The following KATNBL1 variants were observed in gnomAD, a reference collection of about 807,000 sequenced individuals.
The protein encoded by KATNBL1 is KATNB1-like protein 1.
In KATNBL1, 28 loss-of-function variants were observed where a neutral mutation model predicts 44.7. The observed-to-expected ratio is 0.63, with a 90% CI of 0.46 to 0.86. KATNBL1 has a LOEUF of 0.86. KATNBL1 is among the 40% of genes least tolerant of loss of function. The probability of loss-of-function intolerance (pLI) is 0.00; values close to 1 mark genes in which losing one functional copy is unlikely to be tolerated. For missense variants in KATNBL1, 272 were observed against 350.7 expected, an observed-to-expected ratio of 0.78 and a Z score of 1.79; for synonymous variants, 78 against 114.9, an observed-to-expected ratio of 0.68 and a Z score of 2.06.
chr15:34,206,827 C>T (rs992726638), intron 1 of KATNBL1, among the ~76,000 whole-genome samples: 1 of 151,906 alleles, frequency 6.6e-6, no homozygotes, highest in East Asian at 1.9e-4. Context: ...CAAATTACAC[C>T]CTTCCAATTT....
chr15:34,143,237 G>A (rs1282365789), intron 9 of KATNBL1, among the ~76,000 whole-genome samples: 1 of 151,902 alleles, frequency 6.6e-6, no homozygotes, highest in East Asian at 1.9e-4. Flanking sequence ...TACTTTGGGA[G>A]GGGGAGGTGG....
At chr15:34,174,434 G>C (rs1889260330) in intron 1 of KATNBL1, among the ~76,000 whole-genome samples, 1 of 152,056 alleles carries the variant, frequency 6.6e-6, no homozygotes, top group Non-Finnish European at 1.5e-5. Context: ...AGAACAGAGA[G>C]AACAGAAAAC....
chr15:34,179,751 G>A (rs1297510800), intron 1 of KATNBL1, among the ~76,000 whole-genome samples: 3 of 152,228 alleles, frequency 2.0e-5, no homozygotes, highest in South Asian at 4.1e-4. Flanking sequence ...AACATTAACA[G>A]AAATTATTTA....
chr15:34,180,198 CAAT>C (rs1041982265), intron 1 of KATNBL1, among the ~76,000 whole-genome samples: 12 of 152,224 alleles, frequency 7.9e-5, no homozygotes, highest in South Asian at 4.1e-4. Context: ...CAAATTTCTA[CAAT>C]GAGTGCTTTT....
intron 9 of KATNBL1, among the ~76,000 whole-genome samples, chr15:34,144,443 A>C (rs1199173736): frequency 6.6e-6 from 1 of 150,760 alleles, no homozygotes; most frequent in Non-Finnish European, 1.5e-5. Context: ...TATATTTTTA[A>C]AACCAAAGAA....
intron 9 of KATNBL1, 32 bp from the exon 10 acceptor site, chr15:34,142,403 A>G (rs1181818628): frequency 6.4e-7 from 1 of 1,563,968 alleles, no homozygotes; most frequent in South Asian, 1.2e-5. Context: ...ATTTCATTAG[A>G]CAGTACAGTA....
Position 34,148,755 on chromosome 15 carries a change from A to G in KATNBL1, c.439-5T>C. ...TGTTTCATGGTCCTGAGAAACCTGA[A>G]AGGCAATAATCTGATTTGTTAAAAA... On this transcript the variant is annotated splice_region_variant and splice_polypyrimidine_tract_variant and intron_variant, in intron 4 of 9. Transcript: ENST00000256544. 3 of 1,503,520 alleles carry G rather than the reference A, an allele frequency of 2.0e-6. No individual in the cohort carries two copies. Among genetic ancestry groups the G allele is most frequent in the Non-Finnish European group, 2.8e-6 (3 of 1,079,578 alleles). The allele number at this position is 1,503,520 out of a possible 1,614,324, so 93.1% of individuals were successfully genotyped here.
intron 1 of KATNBL1, among the ~76,000 whole-genome samples, chr15:34,193,606 A>G (rs1234691592): frequency 6.6e-6 from 1 of 151,958 alleles, no homozygotes; most frequent in African/African-American, 2.4e-5. Context: ...AATCCTAGCA[A>G]TTTGGGAGAC....
chr15:34,196,825 T>C (rs907748968), intron 1 of KATNBL1, among the ~76,000 whole-genome samples: 1 of 152,248 alleles, frequency 6.6e-6, no homozygotes, highest in African/African-American at 2.4e-5. Context: ...ACTTGATACA[T>C]TATCAGTACA....
Position 34,152,971 on chromosome 15 carries a change from T to C in KATNBL1, c.257A>G (p.Lys86Arg), listed in dbSNP as rs1357078783. 1.9e-6 allele frequency: 3 copies of C among 1,614,178 alleles called. No homozygotes were observed. Among genetic ancestry groups the C allele is most frequent in the Middle Eastern group, 1.7e-4 (1 of 6,030 alleles). The change falls in exon 4 of 10, where the codon AAA (lysine) becomes AGA (arginine). Residue 86 changes from lysine (K) to arginine (R), a missense_variant. Transcript: ENST00000256544. ...HHPFPNPCYR[K>R]KQSPGSGGCD... Reference sequence around the variant, plus strand: ...GCCCCCACTTCCAGGGGACTGTTTTTTTCTGTAACAAGGATTTGGAAAGGG... The same window carrying C: ...GCCCCCACTTCCAGGGGACTGTTTTCTTCTGTAACAAGGATTTGGAAAGGG...
intron 1 of KATNBL1, among the ~76,000 whole-genome samples, chr15:34,174,540 T>C (rs895949655): frequency 6.6e-6 from 1 of 152,290 alleles, no homozygotes; most frequent in Middle Eastern, 3.4e-3. Flanking sequence ...AGCCAGAGAT[T>C]GATGGAGTAA....
intron 1 of KATNBL1, among the ~76,000 whole-genome samples, chr15:34,184,230 C>G (rs1421082981): frequency 6.6e-6 from 1 of 151,150 alleles, no homozygotes; most frequent in Non-Finnish European, 1.5e-5. Context: ...GGCGTGAACC[C>G]GAGAGGCTGA....
intron 4 of KATNBL1, among the ~76,000 whole-genome samples, chr15:34,149,687 G>C (rs1048102065): frequency 5.3e-5 from 8 of 152,194 alleles, no homozygotes; most frequent in African/African-American, 1.9e-4. Context: ...GGCCTCCCAA[G>C]TGCTGGGATT....
Position 34,147,440 on chromosome 15 carries a change from TA to T in KATNBL1, c.558-11del, listed in dbSNP as rs1183364409. ...GCCAAGATCTTCTATCCTGAGAGTA[TA>T]AAAAGAATAGCATTGCCTTAGAGAG... is the stretch of plus-strand genomic sequence containing the variant. On this transcript the variant is annotated splice_polypyrimidine_tract_variant and intron_variant, in intron 5 of 9. Transcript: ENST00000256544. 1.9e-6 allele frequency: 3 copies of T among 1,607,954 alleles called. No homozygotes were observed. Among genetic ancestry groups the T allele is most frequent in the South Asian group, 1.1e-5 (1 of 90,812 alleles).
In KATNBL1 at chr15:34,210,048, A is replaced by C. The variant is rs1301733080; in HGVS notation, c.-112T>G. ...TCCCTCGGCTTCTGGGCCGAGTCCC[A>C]CTCAGGGCCATTCAAACGCGGCCGC... is the stretch of plus-strand genomic sequence containing the variant. On this transcript the variant is annotated 5_prime_UTR_variant, in exon 1 of 10. Transcript: ENST00000256544. 1.4e-5 allele frequency: 2 copies of C among 147,498 alleles called. No homozygotes were observed. The highest frequency in any genetic ancestry group is 5.0e-5 in the African/African-American group (2 of 40,198). 9.1% of individuals were successfully genotyped at this position (147,498 alleles called of 1,614,324 possible).
At chr15:34,189,351 T>C (rs1889810975) in intron 1 of KATNBL1, among the ~76,000 whole-genome samples, 1 of 152,190 alleles carries the variant, frequency 6.6e-6, no homozygotes, top group Non-Finnish European at 1.5e-5. Context: ...ACCACATCTA[T>C]GTAAGTATAA....
Position 34,154,018 on chromosome 15 carries a change from A to G in KATNBL1, c.158+626T>C, listed in dbSNP as rs199607838. On this transcript the variant is annotated intron_variant, in intron 3 of 9. Transcript: ENST00000256544. ...CATATTTTCTAAAATAATTTTTTAAAAAGTGAGAAGAATGGTACTGTTTTA... is the reference window on the plus strand; with the variant it reads ...CATATTTTCTAAAATAATTTTTTAAGAAGTGAGAAGAATGGTACTGTTTTA... Among the ~76,000 whole-genome samples, 18 of 152,368 alleles carry G rather than the reference A, an allele frequency of 1.2e-4. No individual in the cohort carries two copies. In the East Asian group the frequency reaches 2.7e-3, roughly 23 times the overall value.
At chr15:34,164,762 C>A (rs376539433) in intron 1 of KATNBL1, among the ~76,000 whole-genome samples, 1 of 152,162 alleles carries the variant, frequency 6.6e-6, no homozygotes, top group Non-Finnish European at 1.5e-5. Context: ...CAGGCCCTGG[C>A]GTTAATGTAG....
chr15:34,206,930 A>G (rs1890309098), intron 1 of KATNBL1, among the ~76,000 whole-genome samples: 1 of 152,190 alleles, frequency 6.6e-6, no homozygotes, highest in Non-Finnish European at 1.5e-5. Context: ...TTTTCCAGAA[A>G]GCACCAAATT....
Sources: allele counts gnomAD v4.1 joint callset (sites outside exome capture counted in the v4.1 genomes callset), GRCh38; gene constraint gnomAD v4.1.1; transcripts MANE v1.5; gene names NCBI Gene and HGNC (gene_info 2026-07-23, HGNC 2026-07-21).